RPH3A: variants seen among roughly 807,000 people sequenced by gnomAD.
The protein encoded by RPH3A is rabphilin 3A, also known as rabphilin-3A.
In RPH3A, 48 loss-of-function variants were observed where a neutral mutation model predicts 102.2. That is an observed-to-expected ratio of 0.47 (90% CI 0.37 to 0.60). The LOEUF is 0.60. Among genes scored for constraint, RPH3A ranks in the 20% least tolerant of loss-of-function variants. The pLI is 0.00. For synonymous variants in RPH3A, 310 were observed against 324.3 expected, an observed-to-expected ratio of 0.96 and a Z score of 0.47; for missense variants, 781 against 910.1, an observed-to-expected ratio of 0.86 and a Z score of 1.83.
chr12:112,825,035 C>G (rs775199970), intron 2 of RPH3A, among the ~76,000 whole-genome samples: 1 of 151,556 alleles, frequency 6.6e-6, no homozygotes, highest in Non-Finnish European at 1.5e-5. Flanking sequence ...CAACTGCAGC[C>G]GAGGAAGCTC....
chr12:112,810,008 C>T (rs1483055179), intron 2 of RPH3A, among the ~76,000 whole-genome samples: 1 of 152,144 alleles, frequency 6.6e-6, no homozygotes, highest in African/African-American at 2.4e-5. Context: ...GCTTCGGTAT[C>T]CCCAGATCCC....
At chr12:112,812,845 A>G (rs1032944117) in intron 2 of RPH3A, among the ~76,000 whole-genome samples, 8 of 152,198 alleles carry the variant, frequency 5.3e-5, no homozygotes, top group Non-Finnish European at 1.0e-4. Context: ...ATCTCTTTGC[A>G]AACCTTCTTT....
At chr12:112,767,809 C>T (rs902882014) in intron 1 of RPH3A, among the ~76,000 whole-genome samples, 13 of 152,138 alleles carry the variant, frequency 8.5e-5, no homozygotes, top group African/African-American at 7.2e-5. Flanking sequence ...CGAATATGTG[C>T]TACATCACGA....
chr12:112,793,917 C>T (rs2041176557), intron 2 of RPH3A, among the ~76,000 whole-genome samples: 2 of 152,144 alleles, frequency 1.3e-5, no homozygotes, highest in African/African-American at 2.4e-5. Flanking sequence ...GGCAGCATCC[C>T]CATTTAATTT....
At chr12:112,794,027 G>C (rs923024166) in intron 2 of RPH3A, among the ~76,000 whole-genome samples, 4 of 152,204 alleles carry the variant, frequency 2.6e-5, no homozygotes, top group Non-Finnish European at 4.4e-5. Context: ...TCCAGATGTG[G>C]ACACTTCCCA....
At chr12:112,767,206 C>T (rs1178509145) in intron 1 of RPH3A, among the ~76,000 whole-genome samples, 1 of 152,150 alleles carries the variant, frequency 6.6e-6, no homozygotes, top group Non-Finnish European at 1.5e-5. Flanking sequence ...GGGACCATGT[C>T]TTATTGACCA....
intron 1 of RPH3A, among the ~76,000 whole-genome samples, chr12:112,654,655 C>T (rs1269093377): frequency 6.6e-6 from 1 of 152,200 alleles, no homozygotes; most frequent in Non-Finnish European, 1.5e-5. Context: ...TCACCCCAAG[C>T]CTCAGCAAGG....
chr12:112,828,166 T>C (rs1016239904), intron 2 of RPH3A, 135 bp from the exon 3 acceptor site: 37 of 658,632 alleles, frequency 5.6e-5, no homozygotes, highest in Non-Finnish European at 7.7e-5. Flanking sequence ...AGACTCCCCA[T>C]CTGGAAAATG....
chr12:112,892,658 C>T (rs1236218243), intron 19 of RPH3A, among the ~76,000 whole-genome samples: 1 of 152,176 alleles, frequency 6.6e-6, no homozygotes, highest in Non-Finnish European at 1.5e-5. Context: ...CAGTTTTACC[C>T]CCTGCAACTG....
chr12:112,638,009 T>A (rs1441712546), intron 1 of RPH3A, among the ~76,000 whole-genome samples: 1 of 151,962 alleles, frequency 6.6e-6, no homozygotes, highest in African/African-American at 2.4e-5. Flanking sequence ...TCCCCAACAT[T>A]GGAGGCGGGG....
At chr12:112,706,344 T>C (rs971327292) in intron 1 of RPH3A, among the ~76,000 whole-genome samples, 3 of 152,144 alleles carry the variant, frequency 2.0e-5, no homozygotes, top group African/African-American at 4.8e-5. Flanking sequence ...AGACATGTTT[T>C]CTCCCTGCCC....
At chr12:112,839,905 C>T (rs1379949265) in intron 4 of RPH3A, among the ~76,000 whole-genome samples, 3 of 152,114 alleles carry the variant, frequency 2.0e-5, no homozygotes, top group Non-Finnish European at 4.4e-5. Flanking sequence ...AGGAGAATTG[C>T]TTGAACCCAG....
At chr12:112,778,946 C>T (rs2040988040) in intron 1 of RPH3A, among the ~76,000 whole-genome samples, 1 of 152,130 alleles carries the variant, frequency 6.6e-6, no homozygotes. Flanking sequence ...ATCAGCTCCA[C>T]CCAAACCTCC....
intron 1 of RPH3A, among the ~76,000 whole-genome samples, chr12:112,681,463 G>A (rs993676816): frequency 6.6e-6 from 1 of 152,080 alleles, no homozygotes; most frequent in Non-Finnish European, 1.5e-5. Flanking sequence ...CATAAGCCTG[G>A]GACTCTACAC....
chr12:112,702,067 A>G (rs547317668), intron 1 of RPH3A, among the ~76,000 whole-genome samples: 15 of 152,330 alleles, frequency 9.8e-5, no homozygotes, highest in East Asian at 7.7e-4. Flanking sequence ...CTGAATACCA[A>G]CTAAGCTGCC....
chr12:112,794,107 A>G (rs11612340), intron 2 of RPH3A, among the ~76,000 whole-genome samples: 7,804 of 152,154 alleles, frequency 0.051, 260 homozygotes, highest in African/African-American at 0.083. Context: ...CTCCTCCCCC[A>G]TCACATTTGA....
chr12:112,823,474 G>A (rs148063384), intron 2 of RPH3A, among the ~76,000 whole-genome samples: 41 of 152,260 alleles, frequency 2.7e-4, no homozygotes, highest in Middle Eastern at 3.4e-3. Flanking sequence ...TCAGAAAATT[G>A]TAAGTCATCA....
chr12:112,802,565 G>A (rs960993532), intron 2 of RPH3A, among the ~76,000 whole-genome samples: 2 of 152,090 alleles, frequency 1.3e-5, no homozygotes, highest in East Asian at 3.8e-4. Context: ...GTGTGTGTAT[G>A]TGGTGCTGTG....
At chr12:112,872,259 T>G (rs944722552) in intron 10 of RPH3A, among the ~76,000 whole-genome samples, 1 of 152,212 alleles carries the variant, frequency 6.6e-6, no homozygotes, top group African/African-American at 2.4e-5. Flanking sequence ...TGGTGTGAAG[T>G]GGCATCTCCT....
Sources: gnomAD v4.1 joint callset for allele counts (sites outside exome capture counted in the v4.1 genomes callset) on GRCh38, gnomAD v4.1.1 for gene constraint, MANE v1.5 for transcripts, NCBI Gene and HGNC (gene_info 2026-07-23, HGNC 2026-07-21) for gene names.